Variants in FAM107A observed in about 807,000 individuals in gnomAD.
FAM107A encodes actin-associated protein FAM107A.
FAM107A carries 19 observed loss-of-function variants against 13.7 expected under a neutral mutation model. The ratio of observed to expected loss-of-function variants is 1.38; its 90% confidence interval spans 0.97 to 2.03. The LOEUF (loss-of-function observed/expected upper bound fraction) is 2.03, where lower values mean the gene tolerates loss of function less well. FAM107A is among the 30% of genes most tolerant of loss of function. The pLI, the probability that FAM107A is intolerant of heterozygous loss-of-function variation, is 0.00. For missense variants in FAM107A, 203 were observed against 184.4 expected, an observed-to-expected ratio of 1.10 and a Z score of -0.58; for synonymous variants, 82 against 74.5, an observed-to-expected ratio of 1.10 and a Z score of -0.52.
At chr3:58,584,348 A>C (rs1421184110) in intron 1 of FAM107A, among the ~76,000 whole-genome samples, 2 of 152,160 alleles carry the variant, frequency 1.3e-5, no homozygotes, top group Non-Finnish European at 2.9e-5. Flanking sequence ...TGGATGAATA[A>C]ATGAATGAAG....
intron 1 of FAM107A, among the ~76,000 whole-genome samples, chr3:58,611,511 T>A (rs911509667): frequency 4.6e-5 from 7 of 152,186 alleles, no homozygotes; most frequent in Non-Finnish European, 8.8e-5. Flanking sequence ...TATGGGCAGG[T>A]CCCTGATGGA....
At chr3:58,624,820 A>G (rs1348116886) in intron 1 of FAM107A, among the ~76,000 whole-genome samples, 1 of 152,224 alleles carries the variant, frequency 6.6e-6, no homozygotes, top group Non-Finnish European at 1.5e-5. Context: ...CCTCTGCTTC[A>G]ACTTTCACAC....
chr3:58,623,232 T>G (rs1008683284), intron 1 of FAM107A, among the ~76,000 whole-genome samples: 3 of 152,222 alleles, frequency 2.0e-5, no homozygotes, highest in Non-Finnish European at 4.4e-5. Context: ...TTTTCCCCTT[T>G]TGTTTCAGTC....
intron 1 of FAM107A, among the ~76,000 whole-genome samples, chr3:58,623,145 G>A (rs2065974612): frequency 6.6e-6 from 1 of 152,218 alleles, no homozygotes; most frequent in African/African-American, 2.4e-5. Context: ...CCAGCCAGAT[G>A]TGTACCTTCT....
rs1200515621 is a variant in FAM107A, at chr3:58,613,135, T to A, written c.-70+14281A>T. On this transcript the variant is annotated intron_variant, in intron 1 of 3. Transcript: ENST00000465970. The surrounding 1 kb of genome is among the most constrained non-coding windows in gnomAD (Gnocchi z 4.6). ...TGAAATCTAGCCCAAGGGAGCCAAC[T>A]GCCTGTTTTGTCAGGTAACACCGAC... is the stretch of plus-strand genomic sequence containing the variant. 6.6e-6 allele frequency among the ~76,000 whole-genome samples: 1 copy of A among 152,240 alleles called. No individual in the cohort carries two copies. Among genetic ancestry groups the A allele is most frequent in the East Asian group, 1.9e-4 (1 of 5,198 alleles).
intron 3 of FAM107A, chr3:58,566,900 C>T (rs942171266): frequency 4.9e-6 from 3 of 608,566 alleles, no homozygotes; most frequent in Non-Finnish European, 8.7e-6. Flanking sequence ...CTCACCCCCT[C>T]TGGGCCTCAG....
At chr3:58,594,109 C>T (rs2065678662) in intron 1 of FAM107A, among the ~76,000 whole-genome samples, 1 of 152,168 alleles carries the variant, frequency 6.6e-6, no homozygotes, top group Admixed American at 6.5e-5. Context: ...CCCTCTTCAT[C>T]TCCAAAGCCC....
chr3:58,606,302 G>A (rs990141786), intron 1 of FAM107A, among the ~76,000 whole-genome samples: 5 of 152,142 alleles, frequency 3.3e-5, no homozygotes, highest in African/African-American at 1.2e-4. Context: ...CACCATGTTG[G>A]CCAGGCTGGT....
chr3:58,611,293 G>A (rs559766187), intron 1 of FAM107A, among the ~76,000 whole-genome samples: 1 of 152,258 alleles, frequency 6.6e-6, no homozygotes, highest in South Asian at 2.1e-4. Flanking sequence ...CCCAACACCA[G>A]CTCCATCCCC....
At chr3:58,603,525 A>G (rs2065769235) in intron 1 of FAM107A, among the ~76,000 whole-genome samples, 1 of 152,144 alleles carries the variant, frequency 6.6e-6, no homozygotes, top group African/African-American at 2.4e-5. Flanking sequence ...GAAGAAGTTA[A>G]GTCAAGATGT....
chr3:58,566,543 C>G lies in FAM107A; in HGVS notation c.*45G>C. The G allele has an allele frequency of 7.0e-7, 1 of 1,420,914 alleles. No homozygotes were observed. The highest frequency in any genetic ancestry group is 2.2e-4 in the Middle Eastern group (1 of 4,552). The allele number at this position is 1,420,914 out of a possible 1,614,324, so 88.0% of individuals were successfully genotyped here. On this transcript the variant is annotated 3_prime_UTR_variant, in exon 4 of 4. Coordinates refer to ENST00000360997, the MANE Select transcript of FAM107A (RefSeq NM_001076778.3). ...CCAGGTACAGAAGGGCTGAAGGAGG[C>G]TGTCCAGGCCAGGGTGGGCAGTGGC...
At chr3:58,594,720 G>A (rs1319327413) in intron 1 of FAM107A, among the ~76,000 whole-genome samples, 1 of 152,124 alleles carries the variant, frequency 6.6e-6, no homozygotes. Flanking sequence ...AATATAAGAA[G>A]ACAGGAATAG....
chr3:58,573,614 G>C (rs1032784790), intron 1 of FAM107A: 1 of 152,736 alleles, frequency 6.5e-6, no homozygotes, highest in African/African-American at 2.4e-5. Context: ...AGAGCTAGCA[G>C]GGAGAAGGAG....
At chr3:58,573,868 T>C (rs903417082) in intron 1 of FAM107A, among the ~76,000 whole-genome samples, 3 of 152,230 alleles carry the variant, frequency 2.0e-5, no homozygotes, top group African/African-American at 7.2e-5. Flanking sequence ...TGTTTCCCAC[T>C]GAACAGCAGA....
chr3:58,625,927 C>A (rs1045902183), intron 1 of FAM107A, among the ~76,000 whole-genome samples: 2 of 152,242 alleles, frequency 1.3e-5, no homozygotes, highest in Non-Finnish European at 2.9e-5. Flanking sequence ...GGATCAGAGT[C>A]CCATGTTTAT....
At chr3:58,607,013 T>A (rs1396221672) in intron 1 of FAM107A, 1 of 152,230 alleles carries the variant, frequency 6.6e-6, no homozygotes, top group Non-Finnish European at 1.5e-5. Context: ...CCTTGCTTGA[T>A]GTCATTACTC....
At chr3:58,570,541 A>G (rs2063670995) in intron 1 of FAM107A, 1 of 166,460 alleles carries the variant, frequency 6.0e-6, no homozygotes, top group Non-Finnish European at 1.2e-5. Flanking sequence ...CCTCTTCTAC[A>G]AACTGGCTCC....
chr3:58,617,664 C>A lies in FAM107A; in HGVS notation c.-70+9752G>T, dbSNP rs548530870. 7.9e-5 allele frequency among the ~76,000 whole-genome samples: 12 copies of A among 152,196 alleles called. No individual in the cohort carries two copies. The highest frequency in any genetic ancestry group is 1.5e-4 in the Non-Finnish European group (10 of 68,006). On this transcript the variant is annotated intron_variant, in intron 1 of 3. Transcript: ENST00000465970. This position sits in a 1 kb window ranked among gnomAD's most constrained non-coding sequence, Gnocchi z 4.5. ...TTTGGGTTTCTGCCTGCGAGAAAAC[C>A]GGCTTTTGATTTGGCCCCTCTTGCA...
At chr3:58,623,856 C>G (rs1814462) in intron 1 of FAM107A, among the ~76,000 whole-genome samples, 148,694 of 152,332 alleles carry the variant, frequency 0.98, 72,677 homozygotes, top group East Asian at 1. Context: ...GCAGTGCATG[C>G]GAGCTGTGCT....
Sources: allele counts gnomAD v4.1 joint callset (sites outside exome capture counted in the v4.1 genomes callset), GRCh38; gene constraint gnomAD v4.1.1; non-coding constraint Gnocchi (gnomAD v3.1); transcripts MANE v1.5; gene names NCBI Gene and HGNC (gene_info 2026-07-23, HGNC 2026-07-21).